BST1: variants seen among roughly 807,000 people sequenced by gnomAD.
BST1 encodes bone marrow stromal cell antigen 1.
Under a neutral mutation model 40.6 loss-of-function variants are expected in BST1, and 49 were observed. That is an observed-to-expected ratio of 1.21 (90% CI 0.96 to 1.53). The LOEUF (loss-of-function observed/expected upper bound fraction) is 1.53. Ranked by LOEUF, BST1 falls within the 40% of genes most tolerant of loss-of-function variation. The probability of loss-of-function intolerance (pLI) is 0.00; values close to 1 mark genes in which losing one functional copy is unlikely to be tolerated. For missense variants in BST1, 423 were observed against 395.9 expected (o/e 1.07, Z -0.58); for synonymous variants, 157 against 159.3 (o/e 0.99, Z 0.11).
At chr4:15,711,139 G>T (rs1263168985) in intron 3 of BST1, among the ~76,000 whole-genome samples, 1 of 151,996 alleles carries the variant, frequency 6.6e-6, no homozygotes, top group Non-Finnish European at 1.5e-5. Context: ...CCATATCTTG[G>T]CTATTATGAA....
intron 6 of BST1, among the ~76,000 whole-genome samples, chr4:15,716,068 G>A (rs920451673): frequency 7.2e-5 from 11 of 152,118 alleles, no homozygotes; most frequent in Non-Finnish European, 1.3e-4. Context: ...AGCTTTGGAT[G>A]GGTGAGTTCC....
rs771141757 is a variant in BST1, at chr4:15,703,125, G to A, written c.-20G>A. ...AGGGGAGTGGAGGAAGCACGGGACT[G>A]GAGGGACCAAAGTTCCCCGATGGCG... is the stretch of plus-strand genomic sequence containing the variant. On this transcript the variant is annotated 5_prime_UTR_variant, in exon 1 of 9. Coordinates refer to ENST00000265016, the MANE Select transcript of BST1 (RefSeq NM_004334.3). 2.0e-5 allele frequency: 32 copies of A among 1,584,188 alleles called. 1 individual carries two copies. The highest frequency in any genetic ancestry group is 2.7e-5 in the Non-Finnish European group (32 of 1,169,090).
chr4:15,716,136 G>A (rs1720503607), intron 6 of BST1, among the ~76,000 whole-genome samples: 1 of 152,142 alleles, frequency 6.6e-6, no homozygotes, highest in Non-Finnish European at 1.5e-5. Flanking sequence ...AAATTCAAAA[G>A]CCCTCACCAC....
the BST1 span, among the ~76,000 whole-genome samples, chr4:15,747,012 G>C: frequency 6.6e-6 from 1 of 152,076 alleles, no homozygotes; most frequent in Admixed American, 6.5e-5. Flanking sequence ...CCAACAAATG[G>C]GTATGGGTCC....
chr4:15,761,337 C>CT, the BST1 span, among the ~76,000 whole-genome samples: 87 of 151,818 alleles, frequency 5.7e-4, 2 homozygotes, highest in African/African-American at 2.1e-3. Context: ...GGGAAAGAGG[C>CT]TTTTTTTGCG....
At chr4:15,707,418 A>C in intron 2 of BST1, 93 bp from the exon 3 acceptor site, 1 of 1,484,108 alleles carries the variant, frequency 6.7e-7, no homozygotes. Context: ...TTGAATGAGA[A>C]CTGGATTGCC....
At chr4:15,770,152 T>C in the BST1 span, among the ~76,000 whole-genome samples, 2 of 151,832 alleles carry the variant, frequency 1.3e-5, no homozygotes, top group Admixed American at 6.6e-5. Context: ...AATGTGATTT[T>C]TTTTTTTACT....
At position 15,732,097 on chromosome 4, in the gene BST1, C is replaced by T; in HGVS notation, c.*252C>T. 3 of 1,209,860 alleles carry T rather than the reference C, an allele frequency of 2.5e-6. No homozygotes were observed. Among genetic ancestry groups the T allele is most frequent in the Non-Finnish European group, 3.1e-6 (3 of 970,760 alleles). 74.9% of individuals were successfully genotyped at this position (1,209,860 alleles called of 1,614,324 possible). A position where few individuals can be genotyped will look rare whatever the true frequency, so the allele number is the denominator to read the frequency against. On this transcript the variant is annotated 3_prime_UTR_variant, in exon 9 of 9. Transcript: ENST00000265016. ...TTATTTTCTTATTTGTATAATGACA[C>T]AAAGCATTGGGAGTCAGACTGCTTG...
chr4:15,739,430 C>T (rs556816950), downstream of BST1, among the ~76,000 whole-genome samples: 10 of 152,188 alleles, frequency 6.6e-5, no homozygotes, highest in African/African-American at 2.2e-4. Flanking sequence ...TTCTTTGTTA[C>T]GTGATTTGGT....
chr4:15,726,869 A>ATT (rs58317518), intron 8 of BST1, among the ~76,000 whole-genome samples: 5,687 of 129,550 alleles, frequency 0.044, 464 homozygotes, highest in African/African-American at 0.16. Context: ...TTTCCTCGGT[A>ATT]TTTTTTTTTT....
intron 8 of BST1, chr4:15,730,993 C>T: frequency 3.7e-6 from 2 of 544,868 alleles, no homozygotes; most frequent in East Asian, 5.7e-5. Flanking sequence ...GCCTATGGTG[C>T]TCTCGATATA....
chr4:15,764,165 G>A, the BST1 span, among the ~76,000 whole-genome samples: 1 of 151,930 alleles, frequency 6.6e-6, no homozygotes, highest in Non-Finnish European at 1.5e-5. Context: ...AGGGAGAATA[G>A]GAGAACATTC....
downstream of BST1, among the ~76,000 whole-genome samples, chr4:15,741,539 C>T (rs1721742577): frequency 6.6e-6 from 1 of 152,208 alleles, no homozygotes; most frequent in Non-Finnish European, 1.5e-5. Context: ...ACCTCTAATT[C>T]ACAGCCTTAT....
chr4:15,761,947 C>G, the BST1 span, among the ~76,000 whole-genome samples: 2 of 151,748 alleles, frequency 1.3e-5, no homozygotes, highest in Non-Finnish European at 2.9e-5. Flanking sequence ...TGCCTGTAAT[C>G]CCAGCACTTT....
the BST1 span, among the ~76,000 whole-genome samples, chr4:15,770,959 C>A: frequency 6.6e-6 from 1 of 152,186 alleles, no homozygotes; most frequent in Non-Finnish European, 1.5e-5. Context: ...GCAAAGCCCA[C>A]CCAGGTCTAC....
chr4:15,737,749 A>G, downstream of BST1: 1 of 1,279,054 alleles, frequency 7.8e-7, no homozygotes, highest in South Asian at 1.2e-5. Context: ...CTCTAGCACG[A>G]TAGACTTGGT....
intron 8 of BST1, chr4:15,723,532 GC>G (rs1304503797): frequency 3.0e-6 from 3 of 985,110 alleles, no homozygotes; most frequent in East Asian, 2.3e-4. Context: ...ACAGGCGTAA[GC>G]CACCACGCCT....
chr4:15,762,849 G>T, the BST1 span, among the ~76,000 whole-genome samples: 13 of 151,914 alleles, frequency 8.6e-5, no homozygotes, highest in African/African-American at 2.9e-4. Context: ...TGTCCTCCAG[G>T]TTCATCCAAA....
At chr4:15,714,097 C>A (rs1323468842) in intron 4 of BST1, among the ~76,000 whole-genome samples, 1 of 151,990 alleles carries the variant, frequency 6.6e-6, no homozygotes, top group African/African-American at 2.4e-5. Flanking sequence ...ATAAATTAAT[C>A]ACCCACATTC....
Sources: gnomAD v4.1 joint callset for allele counts (sites outside exome capture counted in the v4.1 genomes callset) on GRCh38, gnomAD v4.1.1 for gene constraint, MANE v1.5 for transcripts, NCBI Gene and HGNC (gene_info 2026-07-23, HGNC 2026-07-21) for gene names.